USP54: variants seen among roughly 807,000 people sequenced by gnomAD.
USP54 encodes the protein ubiquitin carboxyl-terminal hydrolase 54.
USP54 carries 87 observed loss-of-function variants against 170.5 expected under a neutral mutation model. The ratio of observed to expected loss-of-function variants is 0.51; its 90% CI spans 0.43 to 0.61. The LOEUF (loss-of-function observed/expected upper bound fraction) is 0.61, where lower values mean the gene tolerates loss of function less well. Ranked by LOEUF, USP54 falls within the 20% of genes least tolerant of loss-of-function variation. The pLI, the probability that USP54 is intolerant of heterozygous loss-of-function variation, is 0.00. For synonymous variants in USP54, 655 were observed against 742.8 expected, an observed-to-expected ratio of 0.88 and a Z score of 1.92; for missense variants, 1,786 against 2,047.8, an observed-to-expected ratio of 0.87 and a Z score of 2.47.
At chr10:73,601,086 C>G (rs2079132149) in intron 1 of USP54, among the ~76,000 whole-genome samples, 1 of 152,144 alleles carries the variant, frequency 6.6e-6, no homozygotes, top group Admixed American at 6.6e-5. Flanking sequence ...AAACCAATTT[C>G]ATGTTTAAGA....
chr10:73,540,786 G>A (rs548811675), intron 9 of USP54, among the ~76,000 whole-genome samples: 51 of 152,180 alleles, frequency 3.4e-4, no homozygotes, highest in African/African-American at 1.2e-3. Context: ...GCCTACTCAG[G>A]TAAGATTCCT....
At position 73,516,824 on chromosome 10, in the gene USP54, T is replaced by C; in HGVS notation, c.3602A>G (p.Glu1201Gly). ...EGGDRPLSWE[E>G]STEHSSLALN... Reference sequence around the variant, plus strand: ...GGCAAGAGAAGAATGTTCAGTGGACTCTTCCCAGGAAAGTGGTCTATCCCC... The same window carrying C: ...GGCAAGAGAAGAATGTTCAGTGGACCCTTCCCAGGAAAGTGGTCTATCCCC... Residue 1201 changes from glutamate (E) to glycine (G), a missense_variant, in exon 20 of 24, where the codon GAG becomes GGG. Glu to Gly is a moderately conservative substitution (Grantham distance 98). This residue lies in a region of USP54 where 1,418 missense variants were observed against 1,569.0 expected (regional missense o/e 0.90). Transcript: ENST00000687698. 1 of 1,614,268 alleles carries C rather than the reference T, an allele frequency of 6.2e-7. No individual in the cohort carries two copies. Among genetic ancestry groups the C allele is most frequent in the Non-Finnish European group, 8.5e-7 (1 of 1,180,054 alleles).
chr10:73,538,928 C>A (rs576997267), intron 10 of USP54, among the ~76,000 whole-genome samples: 2 of 152,186 alleles, frequency 1.3e-5, no homozygotes, highest in Admixed American at 6.5e-5. Context: ...GAAGAACTAG[C>A]CATCTTCAGG....
At chr10:73,610,395 G>C (rs1314495866) in intron 1 of USP54, among the ~76,000 whole-genome samples, 1 of 152,082 alleles carries the variant, frequency 6.6e-6, no homozygotes, top group Non-Finnish European at 1.5e-5. Context: ...GCCAAGGTGG[G>C]CGGATCACTC....
rs536749476 is a variant in USP54 at position 73,615,438 on chromosome 10, ATAATT to A, written c.-18+10124_-18+10128del. On this transcript the variant is annotated intron_variant, in intron 1 of 22. Transcript: ENST00000339859. ...TAGCACAAATGGATAATTACAGTCA[ATAATT>A]TAATTGTACATTTTTAAATAACTAC... is the stretch of plus-strand genomic sequence containing the variant. Among the ~76,000 whole-genome samples, 251 of 150,404 alleles carry A rather than the reference ATAATT, an allele frequency of 1.7e-3. 19 individuals are homozygous for A. Among genetic ancestry groups the A allele is most frequent in the African/African-American group, 5.7e-3 (227 of 39,952 alleles).
At chr10:73,597,108 T>C (rs769494192) in intron 1 of USP54, among the ~76,000 whole-genome samples, 1 of 152,208 alleles carries the variant, frequency 6.6e-6, no homozygotes, top group East Asian at 1.9e-4. Flanking sequence ...AGATCTGACT[T>C]ACTTGACTCC....
intron 20 of USP54, among the ~76,000 whole-genome samples, chr10:73,509,567 A>G (rs910372868): frequency 5.3e-5 from 8 of 151,808 alleles, no homozygotes; most frequent in African/African-American, 1.9e-4. Flanking sequence ...GTGAGTTGAG[A>G]TCACGCCATT....
At chr10:73,538,084 A>G (rs1460505547) in intron 10 of USP54, 1 of 152,228 alleles carries the variant, frequency 6.6e-6, no homozygotes, top group Non-Finnish European at 1.5e-5. Context: ...ACGCGCCCGT[A>G]ATCCCAGCTA....
At chr10:73,550,701 T>G (rs2069083504) in intron 4 of USP54, among the ~76,000 whole-genome samples, 1 of 147,614 alleles carries the variant, frequency 6.8e-6, no homozygotes. Context: ...TAAAATCTGT[T>G]TTTTTTTAAA....
intron 12 of USP54, 25 bp from the exon 13 acceptor site, chr10:73,530,860 A>T (rs1256172051): frequency 6.2e-7 from 1 of 1,612,994 alleles, no homozygotes; most frequent in Non-Finnish European, 8.5e-7. Context: ...AAATTGGGGT[A>T]AGCTGGTATC....
intron 1 of USP54, among the ~76,000 whole-genome samples, chr10:73,578,400 G>GGTTTT (rs530651497): frequency 5.5e-4 from 84 of 152,012 alleles, no homozygotes; most frequent in Middle Eastern, 3.4e-3. Flanking sequence ...TTGTTTTTTG[G>GGTTTT]GTTTTGTTTT....
At chr10:73,581,150 G>A (rs1013186263) in intron 1 of USP54, among the ~76,000 whole-genome samples, 3 of 152,196 alleles carry the variant, frequency 2.0e-5, no homozygotes, top group African/African-American at 7.2e-5. Context: ...AAATTGGGCT[G>A]GGCATGGTAG....
intron 20 of USP54, among the ~76,000 whole-genome samples, chr10:73,514,653 C>A (rs1301780649): frequency 1.3e-5 from 2 of 152,068 alleles, no homozygotes; most frequent in African/African-American, 4.8e-5. Context: ...TCTTTAGATT[C>A]TTCCCATATC....
At position 73,596,697 on chromosome 10, in the gene USP54, T is replaced by C. The variant is rs114829074; in HGVS notation, c.-17-21022A>G. On this transcript the variant is annotated intron_variant, in intron 1 of 22. Coordinates refer to the USP54 transcript ENST00000339859. ...TCAGGCCATCGCACTCCAGTCTGAGTTGGACAGAGTGAGATCCTGTCTCAA... is the reference window on the plus strand; with the variant it reads ...TCAGGCCATCGCACTCCAGTCTGAGCTGGACAGAGTGAGATCCTGTCTCAA... 1.5e-3 allele frequency among the ~76,000 whole-genome samples: 208 copies of C among 137,574 alleles called. 1 individual carries two copies. Among genetic ancestry groups the C allele is most frequent in the African/African-American group, 5.7e-3 (200 of 35,336 alleles). 90.3% of individuals were successfully genotyped at this position (137,574 alleles called of 152,430 possible).
At chr10:73,593,661 G>A (rs1364442480), upstream of USP54, among the ~76,000 whole-genome samples, 1 of 152,010 alleles carries the variant, frequency 6.6e-6, no homozygotes, top group Non-Finnish European at 1.5e-5. Flanking sequence ...ATAGACAAAG[G>A]TCTCTGAAAA....
intron 4 of USP54, among the ~76,000 whole-genome samples, chr10:73,570,953 C>T (rs1006709235): frequency 6.6e-6 from 1 of 151,998 alleles, no homozygotes; most frequent in African/African-American, 2.4e-5. Context: ...GCCTGGCCAA[C>T]ATGGCGAAAC....
chr10:73,539,307 A>AAAAATAT (rs1322866362), intron 10 of USP54, 137 bp downstream of exon 10: 101 of 280,308 alleles, frequency 3.6e-4, no homozygotes, highest in African/African-American at 2.5e-3. Context: ...AAAAAAAAAA[A>AAAAATAT]ATATATATAT....
intron 4 of USP54, among the ~76,000 whole-genome samples, chr10:73,569,902 C>CCAAAAAAAAAAAAA (rs2074705241): frequency 5.3e-5 from 1 of 18,716 alleles, no homozygotes; most frequent in East Asian, 8.1e-4. Context: ...ATTTCATCTC[C>CCAAAAAAAAAAAAA]AAAAAAAAAA....
chr10:73,517,593 G>A lies in USP54; in HGVS notation c.2833C>T (p.His945Tyr). 1 of 1,614,236 alleles carries A rather than the reference G, an allele frequency of 6.2e-7. No homozygotes were observed. Among genetic ancestry groups the A allele is most frequent in the Non-Finnish European group, 8.5e-7 (1 of 1,180,048 alleles). ...AAGGCAGATCTACTGGGGGAGCTGT[G>A]CTGTGGGGCAGATGACTCTGGAGAT... is the stretch of plus-strand genomic sequence containing the variant. The part of the protein sequence containing the change: ...SLSPESSAPQ[H>Y]SSPSRSALKL... The change falls in exon 20 of 24, where the codon CAC (histidine) becomes TAC (tyrosine). Residue 945 changes from histidine to tyrosine, a missense_variant. Transcript: ENST00000687698.
Sources: allele counts gnomAD v4.1 joint callset (sites outside exome capture counted in the v4.1 genomes callset), GRCh38; gene constraint gnomAD v4.1.1; regional missense constraint gnomAD v4.1.1; transcripts MANE v1.5; gene names NCBI Gene and HGNC (gene_info 2026-07-23, HGNC 2026-07-21).